Variants in DNAH3 observed in about 807,000 individuals in gnomAD.
The protein encoded by DNAH3 is dynein axonemal heavy chain 3, also known as axonemal beta dynein heavy chain 3.
DNAH3 carries 332 observed loss-of-function variants against 432.5 expected under a neutral mutation model. The ratio of observed to expected loss-of-function variants is 0.77; its 90% CI spans 0.70 to 0.84. The LOEUF is 0.84. DNAH3 is among the 40% of genes least tolerant of loss of function. DNAH3 has a pLI of 0.00. For synonymous variants in DNAH3, 1,956 were observed against 1,900.2 expected (o/e 1.03, Z -0.76); for missense variants, 4,861 against 5,114.0 (o/e 0.95, Z 1.51).
In DNAH3 at chr16:20,985,579, AC is replaced by A. The variant is rs780326285; in HGVS notation, c.7162del (p.Val2388SerfsTer36). Reference sequence around the variant, plus strand: ...GAATTCTTCCAGATAGTGCTCCATGACCACAGTCAGCTGTTTCAGGTCAGTG... The same window carrying A: ...GAATTCTTCCAGATAGTGCTCCATGACACAGTCAGCTGTTTCAGGTCAGTG... On this transcript the variant is annotated frameshift_variant, in exon 48 of 62. Coordinates refer to ENST00000261383, the Ensembl canonical transcript of DNAH3. LOFTEE classifies it high-confidence loss of function. The A allele has an allele frequency of 2.4e-5, 39 of 1,613,998 alleles. No individual in the cohort carries two copies. The highest frequency in any genetic ancestry group is 3.1e-5 in the Non-Finnish European group (36 of 1,180,026).
At chr16:21,058,013 C>T in intron 27 of DNAH3, 73 bp downstream of exon 27, 1 of 932,138 alleles carries the variant, frequency 1.1e-6, no homozygotes, top group African/African-American at 1.6e-5. Flanking sequence ...AACATGGCTA[C>T]TCTAATTATA....
At chr16:21,047,463 C>G (rs1398740051) in intron 31 of DNAH3, among the ~76,000 whole-genome samples, 1 of 152,156 alleles carries the variant, frequency 6.6e-6, no homozygotes, top group Non-Finnish European at 1.5e-5. Flanking sequence ...TCCAGTTGAT[C>G]GCACCGGCTC....
At chr16:21,012,813 G>A (rs1042029229) in intron 41 of DNAH3, among the ~76,000 whole-genome samples, 2 of 152,112 alleles carry the variant, frequency 1.3e-5, no homozygotes, top group African/African-American at 4.8e-5. Context: ...CCAGGCTGGA[G>A]TGCAGTGGGA....
intron 59 of DNAH3, among the ~76,000 whole-genome samples, chr16:20,939,612 CAAA>C (rs35683068): frequency 9.2e-5 from 9 of 97,624 alleles, no homozygotes; most frequent in Non-Finnish European, 6.3e-5. Context: ...GACTCTGTCT[CAAA>C]AAAAAAAAAA....
intron 48 of DNAH3, among the ~76,000 whole-genome samples, chr16:20,984,828 G>GCA (rs1284393523): frequency 6.6e-6 from 1 of 152,010 alleles, no homozygotes; most frequent in Admixed American, 6.6e-5. Context: ...TCTCACCACT[G>GCA]CACTCCAGCC....
intron 19 of DNAH3, among the ~76,000 whole-genome samples, chr16:21,085,376 T>A (rs1474991877): frequency 6.6e-6 from 1 of 151,718 alleles, no homozygotes; most frequent in African/African-American, 2.4e-5. Flanking sequence ...AAACCCCATC[T>A]CTACTAAAAA....
chr16:21,000,125 G>T, intron 43 of DNAH3, 99 bp downstream of exon 43: 1 of 1,256,838 alleles, frequency 8.0e-7, no homozygotes. Context: ...CCCAGGGAGA[G>T]TAAAGGTATG....
exon 53 of DNAH3, chr16:20,964,153 T>G: frequency 6.2e-7 from 1 of 1,614,206 alleles, no homozygotes; most frequent in Non-Finnish European, 8.5e-7. Flanking sequence ...GGAGAGAACC[T>G]CCAAGATCTT....
chr16:21,105,522 T>C (rs1460636256), intron 15 of DNAH3, among the ~76,000 whole-genome samples: 3 of 152,122 alleles, frequency 2.0e-5, no homozygotes, highest in East Asian at 3.9e-4. Context: ...TCCCAGTACA[T>C]TGGGAGGTCG....
At chr16:21,106,413 T>C (rs1413984308) in intron 15 of DNAH3, 77 bp downstream of exon 15, 4 of 1,173,022 alleles carry the variant, frequency 3.4e-6, no homozygotes, top group Non-Finnish European at 4.6e-6. Flanking sequence ...TATAGACTAT[T>C]TGAAATGTTA....
intron 51 of DNAH3, among the ~76,000 whole-genome samples, chr16:20,974,585 T>TG (rs1373728263): frequency 6.7e-5 from 9 of 134,414 alleles, no homozygotes; most frequent in Non-Finnish European, 1.3e-4. Context: ...TAGTGTTTTT[T>TG]TTTTTTTTTT....
At position 21,105,246 on chromosome 16, in the gene DNAH3, CCT is replaced by C. The variant is rs149866052; in HGVS notation, c.2285-696_2285-695del. On this transcript the variant is annotated intron_variant, in intron 15 of 61. Transcript: ENST00000261383. The stretch of plus-strand genomic sequence containing the variant: ...CATCTCTCCCTCCCATCAACCTCCC[CCT>C]GACATCCATACATTGTGAACACCAA... Among the ~76,000 whole-genome samples, 454 of 152,282 alleles carry C rather than the reference CCT, an allele frequency of 3.0e-3. 7 individuals are homozygous for C. Among genetic ancestry groups the C allele is most frequent in the African/African-American group, 0.01 (436 of 41,560 alleles).
intron 21 of DNAH3, among the ~76,000 whole-genome samples, chr16:21,071,834 C>G (rs533306506): frequency 1.3e-5 from 2 of 152,100 alleles, no homozygotes; most frequent in East Asian, 3.9e-4. Context: ...ATTTCTTCCC[C>G]TTTCCCTATA....
At chr16:21,081,520 C>T (rs2091184684) in intron 20 of DNAH3, 116 bp downstream of exon 20, 1 of 764,316 alleles carries the variant, frequency 1.3e-6, no homozygotes, top group Admixed American at 2.3e-5. Flanking sequence ...CCTTAAGCCA[C>T]CCTACGCCAC....
chr16:21,139,320 C>CTTTTTGTTTTTTTTTT (rs2092687393), intron 5 of DNAH3, among the ~76,000 whole-genome samples: 1 of 29,614 alleles, frequency 3.4e-5, no homozygotes, highest in Non-Finnish European at 5.3e-5. Context: ...TTTCCTCATG[C>CTTTTTGTTTTTTTTTT]TTTTTTTTTT....
At chr16:21,138,656 A>G (rs1350371115) in intron 5 of DNAH3, among the ~76,000 whole-genome samples, 1 of 152,154 alleles carries the variant, frequency 6.6e-6, no homozygotes, top group African/African-American at 2.4e-5. Flanking sequence ...ACTAAAATAC[A>G]AAAATTAGCT....
At chr16:21,038,082 T>G in intron 33 of DNAH3, 102 bp from the exon 34 acceptor site, 1 of 963,930 alleles carries the variant, frequency 1.0e-6, no homozygotes, top group Non-Finnish European at 1.6e-6. Flanking sequence ...CAACCAGGCA[T>G]GCCCATGGAC....
chr16:21,015,310 C>T lies in DNAH3; in HGVS notation c.6022+4314G>A, dbSNP rs114469664. Among the ~76,000 whole-genome samples, 798 of 152,288 alleles carry T rather than the reference C, an allele frequency of 5.2e-3. 5 individuals carry two copies. The highest frequency in any genetic ancestry group is 0.018 in the African/African-American group (748 of 41,554). On this transcript the variant is annotated intron_variant, in intron 41 of 61. Coordinates refer to ENST00000261383, the Ensembl canonical transcript of DNAH3. ...GAAATAAGGCAGTCTAAAAATTTCA[C>T]ATACTGTATGATTCCAAGAATATCA... is the stretch of plus-strand genomic sequence containing the variant.
intron 20 of DNAH3, among the ~76,000 whole-genome samples, chr16:21,076,682 TA>T (rs2090987764): frequency 6.6e-6 from 1 of 152,072 alleles, no homozygotes; most frequent in African/African-American, 2.4e-5. Context: ...TGAACCCTCA[TA>T]AAAAAATAAC....
Sources: gnomAD v4.1 joint callset for allele counts (sites outside exome capture counted in the v4.1 genomes callset) on GRCh38, gnomAD v4.1.1 for gene constraint, MANE v1.5 for transcripts, NCBI Gene and HGNC (gene_info 2026-07-23, HGNC 2026-07-21) for gene names.